Variants in CDR2 observed in about 807,000 individuals in gnomAD.
The protein encoded by CDR2 is cerebellar degeneration-related protein 2.
CDR2 carries 34 observed loss-of-function variants against 48.4 expected under a neutral mutation model. The ratio of observed to expected loss-of-function variants is 0.70; its 90% CI spans 0.53 to 0.94. The LOEUF is 0.94. CDR2 is among the 40% of genes least tolerant of loss of function. CDR2 has a pLI of 0.00. For synonymous variants in CDR2, 240 were observed against 219.7 expected, an observed-to-expected ratio of 1.09 and a Z score of -0.82; for missense variants, 498 against 549.5, an observed-to-expected ratio of 0.91 and a Z score of 0.94.
intron 2 of CDR2, among the ~76,000 whole-genome samples, chr16:22,361,021 T>C (rs150994962): frequency 6.6e-6 from 1 of 152,280 alleles, no homozygotes; most frequent in East Asian, 1.9e-4. Context: ...AGTGCTAGGA[T>C]TACAGGCGTG....
In CDR2 at chr16:22,347,206, G is replaced by T. The variant is rs779592627; in HGVS notation, c.1124C>A (p.Ser375Ter). The change falls in exon 5 of 5, where the codon TCA (serine) becomes TAA (stop). Residue 375 changes from serine to a stop codon, truncating the protein, a stop_gained. Transcript: ENST00000268383. LOFTEE classifies it high-confidence loss of function. ...KKCQEEQDSL[S>*]HKAVQTSRAA... ...CCTGGAGGTCTGCACAGCCTTGTGT[G>T]ACAGGGAGTCCTGTTCCTCTTGGCA... 6.2e-7 allele frequency: 1 copy of T among 1,614,220 alleles called. No homozygotes were observed. Among genetic ancestry groups the T allele is most frequent in the Admixed American group, 1.7e-5 (1 of 60,030 alleles).
At chr16:22,347,950 T>G in intron 4 of CDR2, 127 bp from the exon 5 acceptor site, 1 of 930,788 alleles carries the variant, frequency 1.1e-6, no homozygotes, top group African/African-American at 1.7e-5. Context: ...TTTTTTTCTT[T>G]TTTTTTGAGA....
intron 2 of CDR2, among the ~76,000 whole-genome samples, chr16:22,362,762 T>G (rs2049018269): frequency 6.6e-6 from 1 of 152,226 alleles, no homozygotes; most frequent in Non-Finnish European, 1.5e-5. Flanking sequence ...ATAGTTTTGT[T>G]TTTAGACTAG....
At chr16:22,352,887 T>C (rs2048951676) in intron 2 of CDR2, among the ~76,000 whole-genome samples, 1 of 152,210 alleles carries the variant, frequency 6.6e-6, no homozygotes. Flanking sequence ...CTAATTCTCA[T>C]GCGTGAAGCT....
At chr16:22,373,042 G>A (rs1420994202) in intron 1 of CDR2, among the ~76,000 whole-genome samples, 1 of 152,124 alleles carries the variant, frequency 6.6e-6, no homozygotes, top group Non-Finnish European at 1.5e-5. Flanking sequence ...TCAGTATAGC[G>A]GTTAAGAACG....
At chr16:22,351,046 T>C (rs2048938421) in intron 2 of CDR2, among the ~76,000 whole-genome samples, 1 of 152,148 alleles carries the variant, frequency 6.6e-6, no homozygotes, top group African/African-American at 2.4e-5. Context: ...CAGTGTGTGA[T>C]GTTCCCCACC....
chr16:22,367,042 T>C (rs2049048633), intron 1 of CDR2: 1 of 152,306 alleles, frequency 6.6e-6, no homozygotes, highest in Non-Finnish European at 1.5e-5. Context: ...TGTCTCTTTA[T>C]TAGGCACGGT....
intron 1 of CDR2, among the ~76,000 whole-genome samples, chr16:22,373,209 G>A (rs565537266): frequency 6.6e-6 from 1 of 152,186 alleles, no homozygotes; most frequent in African/African-American, 2.4e-5. Context: ...ATTAGTATAA[G>A]AAAAACAGGG....
At chr16:22,365,141 G>T in intron 1 of CDR2, 127 bp from the exon 2 acceptor site, 1 of 623,768 alleles carries the variant, frequency 1.6e-6, no homozygotes, top group South Asian at 2.0e-5. Context: ...TGGCACAGAA[G>T]GAAACCCGAG....
At chr16:22,374,057 G>C (rs925813478) in intron 1 of CDR2, among the ~76,000 whole-genome samples, 174 bp downstream of exon 1, 3 of 152,230 alleles carry the variant, frequency 2.0e-5, no homozygotes, top group African/African-American at 7.2e-5. Flanking sequence ...GCCCCGTGCC[G>C]AGGCTTCCTG....
In CDR2 at chr16:22,364,966, G is replaced by A; in HGVS notation, c.128C>T (p.Thr43Ile). Residue 43 changes from threonine to isoleucine, a missense_variant, in exon 2 of 5, where the codon ACA becomes ATA. Thr to Ile is a moderately conservative substitution (Grantham distance 89). Coordinates refer to ENST00000268383, the MANE Select transcript of CDR2 (RefSeq NM_001802.2). Reference protein sequence around the residue: ...ELGKTLLDRNTELEDSVQQMY... With the variant: ...ELGKTLLDRNIELEDSVQQMY... ...CTGCTGAACAGAGTCCTCCAACTCT[G>A]TGTTCCGATCCAGTAATGTCTTCCC... The A allele has an allele frequency of 1.2e-6, 2 of 1,613,858 alleles. No homozygotes were observed. The highest frequency in any genetic ancestry group is 1.7e-6 in the Non-Finnish European group (2 of 1,179,722).
At chr16:22,350,146 G>A (rs2048933009) in intron 2 of CDR2, among the ~76,000 whole-genome samples, 1 of 151,152 alleles carries the variant, frequency 6.6e-6, no homozygotes, top group African/African-American at 2.4e-5. Context: ...CCGAGATGGC[G>A]CCATTGCACT....
At chr16:22,369,568 C>T (rs2049063610) in intron 1 of CDR2, among the ~76,000 whole-genome samples, 1 of 151,534 alleles carries the variant, frequency 6.6e-6, no homozygotes, top group South Asian at 2.1e-4. Flanking sequence ...AAGTCTCGAT[C>T]TCCTAAATAT....
chr16:22,371,845 GAT>G (rs1491517082), intron 1 of CDR2, among the ~76,000 whole-genome samples: 2 of 91,194 alleles, frequency 2.2e-5, no homozygotes, highest in Admixed American at 1.4e-4. Context: ...AAGAGGTTCA[GAT>G]ATGTGTGTGT....
chr16:22,372,071 T>C (rs1455587349), intron 1 of CDR2, among the ~76,000 whole-genome samples: 2 of 152,160 alleles, frequency 1.3e-5, no homozygotes, highest in Admixed American at 1.3e-4. Flanking sequence ...AGTTTCACCA[T>C]GTTGGCCAGG....
At chr16:22,350,441 G>A (rs944855999) in intron 2 of CDR2, among the ~76,000 whole-genome samples, 1 of 152,156 alleles carries the variant, frequency 6.6e-6, no homozygotes, top group Admixed American at 6.5e-5. Context: ...CTATCCAGAG[G>A]TTGTGGGGCT....
At chr16:22,371,238 C>T (rs1482008758) in intron 1 of CDR2, among the ~76,000 whole-genome samples, 1 of 152,014 alleles carries the variant, frequency 6.6e-6, no homozygotes, top group African/African-American at 2.4e-5. Context: ...TTAAGCAGTT[C>T]TCTCCAAATA....
Position 22,365,804 on chromosome 16 carries a change from GA to G in CDR2, c.80-791del, listed in dbSNP as rs552413333. Among the ~76,000 whole-genome samples, 282 of 152,266 alleles carry G rather than the reference GA, an allele frequency of 1.9e-3. 1 individual carries two copies. The highest frequency in any genetic ancestry group is 0.01 in the Middle Eastern group (3 of 294). ...GACACTAGTTGTAACATACGTCATT[GA>G]AATACTTCTTTGCATAGTAAATCTT... On this transcript the variant is annotated intron_variant, in intron 1 of 4. Transcript: ENST00000268383.
At chr16:22,365,626 T>C (rs184109390) in intron 1 of CDR2, among the ~76,000 whole-genome samples, 1 of 152,330 alleles carries the variant, frequency 6.6e-6, no homozygotes, top group East Asian at 1.9e-4. Flanking sequence ...TACATGTCAG[T>C]AGCTCATACT....
Sources: gnomAD v4.1 joint callset for allele counts (sites outside exome capture counted in the v4.1 genomes callset) on GRCh38, gnomAD v4.1.1 for gene constraint, MANE v1.5 for transcripts, NCBI Gene and HGNC (gene_info 2026-07-23, HGNC 2026-07-21) for gene names.